Variants in CCDC7 observed in about 807,000 individuals in gnomAD.
CCDC7 encodes coiled-coil domain containing 7, also known as coiled-coil domain-containing protein 7.
In CCDC7, 183 loss-of-function variants were observed where a neutral mutation model predicts 196.9. The ratio of observed to expected loss-of-function variants is 0.93; its 90% CI spans 0.82 to 1.05. The LOEUF (loss-of-function observed/expected upper bound fraction) is 1.05. CCDC7 is among the 50% of genes least tolerant of loss of function. The pLI is 0.00. For missense variants in CCDC7, 1,540 were observed against 1,482.2 expected, an observed-to-expected ratio of 1.04 and a Z score of -0.64; for synonymous variants, 525 against 484.6, an observed-to-expected ratio of 1.08 and a Z score of -1.10.
intron 20 of CCDC7, among the ~76,000 whole-genome samples, chr10:32,656,320 C>G (rs985369088): frequency 6.6e-6 from 1 of 152,162 alleles, no homozygotes; most frequent in Non-Finnish European, 1.5e-5. Context: ...TCACAGTAGA[C>G]AAGATGTGGA....
At chr10:32,700,519 G>T (rs955583432) in intron 24 of CCDC7, among the ~76,000 whole-genome samples, 3 of 152,154 alleles carry the variant, frequency 2.0e-5, no homozygotes, top group African/African-American at 7.2e-5. Context: ...TTTGGCTTAG[G>T]ATTGACTTGG....
At chr10:32,548,516 T>C (rs980209054) in intron 13 of CCDC7, among the ~76,000 whole-genome samples, 2 of 152,178 alleles carry the variant, frequency 1.3e-5, no homozygotes, top group Admixed American at 6.5e-5. Context: ...AGTTAAACTT[T>C]AAAATGGCGG....
At chr10:32,520,816 T>A (rs1031069172) in intron 11 of CCDC7, among the ~76,000 whole-genome samples, 3 of 152,128 alleles carry the variant, frequency 2.0e-5, no homozygotes, top group Admixed American at 2.0e-4. Flanking sequence ...TGCTAGAGAG[T>A]TTCTCCAATG....
Position 32,642,427 on chromosome 10 carries a change from G to A in CCDC7, c.2014+7269G>A, listed in dbSNP as rs182660668. ...CTGTGCTAGCAATGAGCGAGGCTCC[G>A]TGGGCGTAGGACCCTCCGAGCCAGG... On this transcript the variant is annotated intron_variant, in intron 20 of 41. Transcript: ENST00000639629. Among the ~76,000 whole-genome samples, 549 of 152,328 alleles carry A rather than the reference G, an allele frequency of 3.6e-3. 1 individual carries two copies. Among genetic ancestry groups the A allele is most frequent in the African/African-American group, 0.011 (450 of 41,566 alleles).
intron 41 of CCDC7, among the ~76,000 whole-genome samples, chr10:32,871,787 T>G (rs2094440673): frequency 6.6e-6 from 1 of 152,004 alleles, no homozygotes; most frequent in Non-Finnish European, 1.5e-5. Context: ...TCCCAGAGAT[T>G]CTGGTATGTT....
intron 21 of CCDC7, among the ~76,000 whole-genome samples, chr10:32,680,361 CTTCATTAG>C (rs1279819869): frequency 2.0e-5 from 3 of 152,032 alleles, no homozygotes; most frequent in Non-Finnish European, 4.4e-5. Context: ...TTCATAAGAC[CTTCATTAG>C]TTGGGGCCAT....
At chr10:32,873,452 G>A (rs1488579100) in intron 41 of CCDC7, among the ~76,000 whole-genome samples, 3 of 151,620 alleles carry the variant, frequency 2.0e-5, no homozygotes, top group Non-Finnish European at 4.4e-5. Flanking sequence ...TTTTTTCAAG[G>A]TTTTTAACTT....
intron 28 of CCDC7, among the ~76,000 whole-genome samples, chr10:32,762,117 A>G (rs897068307): frequency 6.6e-6 from 1 of 151,996 alleles, no homozygotes; most frequent in Non-Finnish European, 1.5e-5. Flanking sequence ...TCCACAACTG[A>G]TAACTTCTTC....
intron 20 of CCDC7, among the ~76,000 whole-genome samples, chr10:32,655,426 G>T (rs1027296834): frequency 1.3e-5 from 2 of 152,114 alleles, no homozygotes; most frequent in African/African-American, 4.8e-5. Context: ...GTTCTAATAG[G>T]TGTGAGGTGA....
At chr10:32,602,004 C>T (rs992196500) in intron 18 of CCDC7, among the ~76,000 whole-genome samples, 5 of 152,166 alleles carry the variant, frequency 3.3e-5, no homozygotes, top group Admixed American at 2.6e-4. Context: ...GCAACCTGAT[C>T]GGGTCCCCTT....
At chr10:32,807,880 A>C (rs571143785) in intron 30 of CCDC7, among the ~76,000 whole-genome samples, 1 of 152,022 alleles carries the variant, frequency 6.6e-6, no homozygotes, top group Non-Finnish European at 1.5e-5. Flanking sequence ...ACAGGCATGC[A>C]CCACCATGCC....
intron 31 of CCDC7, among the ~76,000 whole-genome samples, chr10:32,819,141 T>C (rs1216240707): frequency 8.5e-5 from 13 of 152,092 alleles, no homozygotes; most frequent in Non-Finnish European, 1.8e-4. Context: ...ATATCACCAT[T>C]GATCCCACAG....
At chr10:32,448,241 GAATTT>G (rs2031965649), upstream of CCDC7, among the ~76,000 whole-genome samples, 1 of 151,878 alleles carries the variant, frequency 6.6e-6, no homozygotes. Flanking sequence ...TTATTTTTGA[GAATTT>G]TCTGTTTGTG....
chr10:32,647,763 C>A (rs565560901), intron 20 of CCDC7, among the ~76,000 whole-genome samples: 1 of 152,284 alleles, frequency 6.6e-6, no homozygotes, highest in East Asian at 1.9e-4. Context: ...AATACTTTCT[C>A]TGATTCTATA....
At chr10:32,522,066 G>C (rs975023643) in intron 11 of CCDC7, among the ~76,000 whole-genome samples, 2 of 152,294 alleles carry the variant, frequency 1.3e-5, no homozygotes, top group Middle Eastern at 3.4e-3. Flanking sequence ...ATGTATTGGT[G>C]AATGTGTTTT....
downstream of CCDC7, among the ~76,000 whole-genome samples, chr10:32,881,501 C>T (rs1012504866): frequency 2.6e-5 from 4 of 151,638 alleles, no homozygotes; most frequent in African/African-American, 9.7e-5. Flanking sequence ...GTGCATGAAG[C>T]CTGAAACTTT....
At chr10:32,485,595 C>G (rs2040898000) in intron 8 of CCDC7, among the ~76,000 whole-genome samples, 1 of 151,754 alleles carries the variant, frequency 6.6e-6, no homozygotes, top group African/African-American at 2.4e-5. Flanking sequence ...TTAGGGTGTC[C>G]ATTTTAGAGA....
At chr10:32,711,622 C>T (rs772168377) in exon 25 of CCDC7, 2 of 1,572,522 alleles carry the variant, frequency 1.3e-6, no homozygotes, top group Non-Finnish European at 1.7e-6. Context: ...TAACATAGCT[C>T]ATGATGAAGA....
intron 9 of CCDC7, among the ~76,000 whole-genome samples, chr10:32,501,572 G>C (rs542912051): frequency 3.3e-5 from 5 of 152,280 alleles, no homozygotes; most frequent in African/African-American, 1.2e-4. Context: ...CTTTCTGTTT[G>C]TTAGTGTTCT....
Sources: gnomAD v4.1 joint callset for allele counts (sites outside exome capture counted in the v4.1 genomes callset) on GRCh38, gnomAD v4.1.1 for gene constraint, MANE v1.5 for transcripts, NCBI Gene and HGNC (gene_info 2026-07-23, HGNC 2026-07-21) for gene names.